The following KATNIP variants were observed in gnomAD, a reference collection of about 807,000 sequenced individuals.
KATNIP encodes katanin interacting protein, also known as katanin-interacting protein.
Under a neutral mutation model 174.0 loss-of-function variants are expected in KATNIP, and 126 were observed. That is an observed-to-expected ratio of 0.72 (90% CI 0.63 to 0.84). The LOEUF is 0.84. KATNIP is among the 40% of genes least tolerant of loss of function. The probability of loss-of-function intolerance (pLI) is 0.00; values close to 1 mark genes in which losing one functional copy is unlikely to be tolerated. For synonymous variants in KATNIP, 810 were observed against 835.7 expected, an observed-to-expected ratio of 0.97 and a Z score of 0.53; for missense variants, 1,958 against 2,109.7, an observed-to-expected ratio of 0.93 and a Z score of 1.41.
intron 3 of KATNIP, among the ~76,000 whole-genome samples, 153 bp downstream of exon 3, chr16:27,618,654 C>G (rs1286633247): frequency 6.6e-6 from 1 of 152,186 alleles, no homozygotes; most frequent in Non-Finnish European, 1.5e-5. Flanking sequence ...AACCCCAGCT[C>G]CTATTTCTCC....
At chr16:27,621,309 T>C (rs1567503903) in intron 3 of KATNIP, among the ~76,000 whole-genome samples, 1 of 152,078 alleles carries the variant, frequency 6.6e-6, no homozygotes, top group Non-Finnish European at 1.5e-5. Context: ...TTCATCATGA[T>C]ACTCTTGGCC....
At chr16:27,762,234 A>G (rs1230124553) in intron 19 of KATNIP, among the ~76,000 whole-genome samples, 3 of 152,182 alleles carry the variant, frequency 2.0e-5, no homozygotes, top group Admixed American at 6.5e-5. Context: ...GAGGGATGGG[A>G]GTTCAAATCC....
In KATNIP at chr16:27,733,031, C is replaced by T. The variant is rs527864110; in HGVS notation, c.1744-7010C>T. Among the ~76,000 whole-genome samples, 59 of 152,342 alleles carry T rather than the reference C, an allele frequency of 3.9e-4. 1 individual carries two copies. Among genetic ancestry groups the T allele is most frequent in the Non-Finnish European group, 3.7e-4 (25 of 68,040 alleles). On this transcript the variant is annotated intron_variant, in intron 14 of 27. Transcript: ENST00000261588. ...CATGCCAAGGCTCCATTTGCCTTAA[C>T]GGACCCACCTTGGCATGTGGTTTTT...
chr16:27,590,587 T>C (rs2075131900), intron 2 of KATNIP, among the ~76,000 whole-genome samples: 1 of 152,234 alleles, frequency 6.6e-6, no homozygotes, highest in African/African-American at 2.4e-5. Context: ...CTCTTTTTTC[T>C]TTCTGGCTAC....
At chr16:27,555,033 G>A (rs1207224254) in intron 1 of KATNIP, among the ~76,000 whole-genome samples, 3 of 151,938 alleles carry the variant, frequency 2.0e-5, no homozygotes, top group African/African-American at 2.4e-5. Flanking sequence ...CCTGACCTCA[G>A]GTTATCCACC....
intron 8 of KATNIP, among the ~76,000 whole-genome samples, chr16:27,693,154 C>T (rs1402096137): frequency 2.6e-5 from 4 of 152,156 alleles, no homozygotes; most frequent in Non-Finnish European, 5.9e-5. Flanking sequence ...ACATAGCTTG[C>T]TAAACAGAGT....
At chr16:27,736,904 AAGG>A (rs1289826033) in intron 14 of KATNIP, among the ~76,000 whole-genome samples, 1 of 152,160 alleles carries the variant, frequency 6.6e-6, no homozygotes, top group Non-Finnish European at 1.5e-5. Flanking sequence ...ACACGCGGGC[AAGG>A]AGGTCAGCTC....
intron 14 of KATNIP, among the ~76,000 whole-genome samples, chr16:27,725,209 A>C (rs1036404999): frequency 4.6e-5 from 7 of 152,246 alleles, no homozygotes; most frequent in African/African-American, 1.7e-4. Context: ...TGCATGAATG[A>C]ATAACTGAAC....
rs1567421628 is a variant in KATNIP at position 27,766,483 on chromosome 16, G to A, written c.3975+9G>A. 6.2e-7 allele frequency: 1 copy of A among 1,608,762 alleles called. No individual in the cohort carries two copies. Among genetic ancestry groups the A allele is most frequent in the Non-Finnish European group, 8.5e-7 (1 of 1,179,216 alleles). On this transcript the variant is annotated intron_variant, in intron 20 of 27. Transcript: ENST00000261588. ...AGGACACCTATCGCGGGGTAAGCTGGGGAGCAGTGGCCGTGCTCAGTCCAG... is the reference window on the plus strand; with the variant it reads ...AGGACACCTATCGCGGGGTAAGCTGAGGAGCAGTGGCCGTGCTCAGTCCAG...
intron 14 of KATNIP, among the ~76,000 whole-genome samples, chr16:27,738,576 G>A (rs932013744): frequency 6.6e-6 from 1 of 152,200 alleles, no homozygotes; most frequent in Admixed American, 6.5e-5. Flanking sequence ...ATTTAGGCTG[G>A]CAGTGAGAGA....
intron 11 of KATNIP, among the ~76,000 whole-genome samples, chr16:27,702,988 G>A (rs1047873681): frequency 5.3e-5 from 8 of 152,090 alleles, no homozygotes; most frequent in Admixed American, 1.3e-4. Context: ...CCAACATGGC[G>A]AAAACCCATC....
chr16:27,550,304 A>G, intron 1 of KATNIP, 127 bp downstream of exon 1: 1 of 1,080,130 alleles, frequency 9.3e-7, no homozygotes. Context: ...GGGGTCTCCG[A>G]AATGAGGGAT....
intron 6 of KATNIP, 33 bp from the exon 7 acceptor site, chr16:27,677,696 T>A (rs940671073): frequency 1.9e-6 from 3 of 1,577,240 alleles, no homozygotes; most frequent in Non-Finnish European, 2.6e-6. Flanking sequence ...GGTACCATAT[T>A]TATCTCTCAT....
At chr16:27,639,946 G>A (rs1300786071) in intron 5 of KATNIP, among the ~76,000 whole-genome samples, 1 of 152,152 alleles carries the variant, frequency 6.6e-6, no homozygotes, top group Non-Finnish European at 1.5e-5. Context: ...TAGAGCTCTC[G>A]TACCTCTAGA....
intron 5 of KATNIP, among the ~76,000 whole-genome samples, chr16:27,644,907 G>C (rs2076913961): frequency 6.6e-6 from 1 of 152,148 alleles, no homozygotes; most frequent in Non-Finnish European, 1.5e-5. Context: ...GAGAGGGTGA[G>C]GTAAGTAAGG....
At chr16:27,771,552 T>A (rs1384629849) in intron 21 of KATNIP, 36 bp from the exon 22 acceptor site, 21 of 1,602,572 alleles carry the variant, frequency 1.3e-5, no homozygotes, top group Non-Finnish European at 1.7e-5. Context: ...TGGGCCGTCG[T>A]GAGCTTCTTC....
At chr16:27,584,231 T>A (rs2090802372) in intron 2 of KATNIP, among the ~76,000 whole-genome samples, 1 of 151,894 alleles carries the variant, frequency 6.6e-6, no homozygotes, top group Non-Finnish European at 1.5e-5. Context: ...CTCAGCAACT[T>A]CAGCAAAGAG....
Position 27,767,158 on chromosome 16 carries a change from G to A in KATNIP, c.3975+684G>A, listed in dbSNP as rs2082154481. ...GTGACAATGAGGCCACCGAAAGGTA[G>A]CAATTCAGCTAGGGCCCTACTATCA... On this transcript the variant is annotated intron_variant, in intron 20 of 27. Transcript: ENST00000261588. Among the ~76,000 whole-genome samples, 4 of 151,972 alleles carry A rather than the reference G, an allele frequency of 2.6e-5. No individual in the cohort carries two copies. The South Asian group carries it at 8.3e-4, about 31-fold the overall frequency.
chr16:27,749,561 C>G (rs774526429), intron 15 of KATNIP, 23 bp from the exon 16 acceptor site: 11 of 1,519,800 alleles, frequency 7.2e-6, no homozygotes, highest in South Asian at 6.6e-5. Flanking sequence ...AGGGCTTCCC[C>G]CCTCTTGTGT....
Sources: allele counts gnomAD v4.1 joint callset (sites outside exome capture counted in the v4.1 genomes callset), GRCh38; gene constraint gnomAD v4.1.1; transcripts MANE v1.5; gene names NCBI Gene and HGNC (gene_info 2026-07-23, HGNC 2026-07-21).